TRPC1: variants seen among roughly 807,000 people sequenced by gnomAD.
TRPC1 encodes short transient receptor potential channel 1.
A neutral mutation model predicts 88.2 loss-of-function variants in TRPC1; 42 were observed. That is an observed-to-expected ratio of 0.48 (90% CI 0.37 to 0.62). The LOEUF is 0.62. Ranked by LOEUF, TRPC1 falls within the 20% of genes least tolerant of loss-of-function variation. The probability of loss-of-function intolerance (pLI) is 0.00; values close to 1 mark genes in which losing one functional copy is unlikely to be tolerated. For synonymous variants in TRPC1, 288 were observed against 331.8 expected, an observed-to-expected ratio of 0.87 and a Z score of 1.43; for missense variants, 699 against 957.3, an observed-to-expected ratio of 0.73 and a Z score of 3.56.
chr3:142,753,401 A>G (rs1443018966), intron 4 of TRPC1, among the ~76,000 whole-genome samples: 1 of 152,214 alleles, frequency 6.6e-6, no homozygotes, highest in Non-Finnish European at 1.5e-5. Flanking sequence ...ACGAAATGGC[A>G]AGGACCCCTG....
chr3:142,790,974 T>C (rs1381528233), intron 7 of TRPC1, 45 bp from the exon 8 acceptor site: 2 of 1,449,766 alleles, frequency 1.4e-6, no homozygotes, highest in South Asian at 1.6e-5. Context: ...AGTTTATTTA[T>C]TGAATTAAGA....
In TRPC1 at chr3:142,802,267, T is replaced by A. The variant is rs1328830111; in HGVS notation, c.1680T>A (p.Asp560Glu). ...SFTIGLTQLY[D>E]KGYTSKEQKD... ...CAATTGGACTGACACAACTGTATGATAAAGGATATACTTCAAAGGAGCAGA... is the reference window on the plus strand; with the variant it reads ...CAATTGGACTGACACAACTGTATGAAAAAGGATATACTTCAAAGGAGCAGA... Residue 560 changes from aspartate to glutamate, a missense_variant, in exon 10 of 13, where the codon GAT (aspartate) becomes GAA (glutamate). Coordinates refer to ENST00000476941, the MANE Select transcript of TRPC1 (RefSeq NM_001251845.2). 10 of 1,600,598 alleles carry A rather than the reference T, an allele frequency of 6.2e-6. No homozygotes were observed. Among genetic ancestry groups the A allele is most frequent in the Non-Finnish European group, 7.7e-6 (9 of 1,174,526 alleles).
At chr3:142,798,763 C>CT (rs1187648078) in intron 9 of TRPC1, among the ~76,000 whole-genome samples, 1 of 152,120 alleles carries the variant, frequency 6.6e-6, no homozygotes, top group East Asian at 1.9e-4. Flanking sequence ...TTAGATAGAA[C>CT]TTTTGGACAG....
rs1262264610 is a variant in TRPC1 at position 142,724,627 on chromosome 3, C to T, written c.68C>T (p.Pro23Leu). The change falls in exon 1 of 13, where the codon CCA (proline) becomes CTA (leucine). Residue 23 changes from proline (P) to leucine (L), a missense_variant. Around this residue, in one of 4 missense-constraint regions of TRPC1, gnomAD observed 157 missense variants for 127.0 expected, o/e 1.24. Transcript: ENST00000476941. The surrounding 1 kb of genome is among the most constrained non-coding windows in gnomAD (Gnocchi z 5.6). ...GASSSSLPSS[P>L]SSSSPNEVMA... ...TCCTCCTCCTCCCTGCCTTCCTCTC[C>T]ATCCTCTTCCTCGCCGAACGAGGTG... 3.7e-6 allele frequency: 6 copies of T among 1,612,452 alleles called. No individual in the cohort carries two copies. The highest frequency in any genetic ancestry group is 5.1e-6 in the Non-Finnish European group (6 of 1,179,446).
chr3:142,779,994 C>T (rs1294410466), intron 5 of TRPC1, among the ~76,000 whole-genome samples: 3 of 151,552 alleles, frequency 2.0e-5, no homozygotes, highest in Non-Finnish European at 4.4e-5. Context: ...ATTACAGGCA[C>T]CTGCCACCAT....
At chr3:142,750,631 C>T (rs778921029) in intron 4 of TRPC1, among the ~76,000 whole-genome samples, 4 of 152,160 alleles carry the variant, frequency 2.6e-5, no homozygotes, top group South Asian at 2.1e-4. Context: ...TTTATTGCAG[C>T]GCTATTCACA....
chr3:142,761,186 T>G (rs1183984536), intron 4 of TRPC1, among the ~76,000 whole-genome samples: 1 of 152,164 alleles, frequency 6.6e-6, no homozygotes, highest in Non-Finnish European at 1.5e-5. Context: ...GGAAAGGCCT[T>G]CAATTTTTCC....
intron 4 of TRPC1, among the ~76,000 whole-genome samples, chr3:142,777,217 C>T (rs1481397863): frequency 6.6e-6 from 1 of 152,044 alleles, no homozygotes; most frequent in Non-Finnish European, 1.5e-5. Context: ...GGGAGGATCC[C>T]TTGGCCCAGG....
At chr3:142,728,946 GA>G (rs1276937427) in intron 1 of TRPC1, among the ~76,000 whole-genome samples, 2 of 152,212 alleles carry the variant, frequency 1.3e-5, no homozygotes, top group Non-Finnish European at 2.9e-5. Context: ...GTGCTGTGAG[GA>G]AAAAACTTTG....
intron 7 of TRPC1, among the ~76,000 whole-genome samples, chr3:142,788,231 G>A (rs942925095): frequency 6.6e-6 from 1 of 152,148 alleles, no homozygotes; most frequent in Non-Finnish European, 1.5e-5. Context: ...TGCTGTGGCA[G>A]GAGTAGATGG....
chr3:142,793,359 A>G (rs757834415), intron 9 of TRPC1, among the ~76,000 whole-genome samples: 2 of 152,102 alleles, frequency 1.3e-5, no homozygotes, highest in Non-Finnish European at 1.5e-5. Context: ...AAAAATAATC[A>G]TATTTGATGA....
At chr3:142,777,009 T>C (rs1935798314) in intron 4 of TRPC1, among the ~76,000 whole-genome samples, 1 of 151,784 alleles carries the variant, frequency 6.6e-6, no homozygotes, top group Admixed American at 6.6e-5. Flanking sequence ...GCATATTTTA[T>C]TTAAAATTAT....
chr3:142,792,802 G>T lies in TRPC1; in HGVS notation c.1438-22G>T. ...AAATTGAGAGAGCTTATTTACCTTT[G>T]GCTTTTTCTTCCTAACCTTAGTTTC... On this transcript the variant is annotated intron_variant, in intron 8 of 12. Coordinates refer to ENST00000476941, the MANE Select transcript of TRPC1 (RefSeq NM_001251845.2). The surrounding 1 kb of genome is among the most constrained non-coding windows in gnomAD (Gnocchi z 4.0). The T allele has an allele frequency of 6.5e-7, 1 of 1,534,286 alleles. No individual in the cohort carries two copies. The highest frequency in any genetic ancestry group is 1.3e-5 in the South Asian group (1 of 77,268).
chr3:142,765,166 T>A (rs374169048), intron 4 of TRPC1, among the ~76,000 whole-genome samples: 2 of 151,740 alleles, frequency 1.3e-5, no homozygotes, highest in East Asian at 1.9e-4. Context: ...CTGAAGAAAA[T>A]CAGAGACAAT....
In TRPC1 at chr3:142,724,312, G is replaced by A. The variant is rs1933563051; in HGVS notation, c.-248G>A. Reference sequence around the variant, plus strand: ...GGACCGGCTCGGCCGGGGCGCCGGCGGCTGGGGAGGGGTCGCTGGCCCCGG... The same window carrying A: ...GGACCGGCTCGGCCGGGGCGCCGGCAGCTGGGGAGGGGTCGCTGGCCCCGG... On this transcript the variant is annotated 5_prime_UTR_variant, in exon 1 of 13. Transcript: ENST00000476941. This position sits in a 1 kb window ranked among gnomAD's most constrained non-coding sequence, Gnocchi z 5.6. 3.7e-6 allele frequency: 1 copy of A among 267,138 alleles called. No individual in the cohort carries two copies. Among genetic ancestry groups the A allele is most frequent in the Non-Finnish European group, 7.0e-6 (1 of 142,826 alleles). The allele number at this position is 267,138 out of a possible 1,614,324, so 16.5% of individuals were successfully genotyped here.
chr3:142,760,810 T>C (rs901505856), intron 4 of TRPC1, among the ~76,000 whole-genome samples: 2 of 152,100 alleles, frequency 1.3e-5, no homozygotes, highest in African/African-American at 4.8e-5. Flanking sequence ...TTGGTTAGAT[T>C]GATTCCTAGT....
chr3:142,733,116 G>A (rs918320339), intron 1 of TRPC1, among the ~76,000 whole-genome samples: 1 of 144,248 alleles, frequency 6.9e-6, no homozygotes, highest in African/African-American at 2.6e-5. Flanking sequence ...GTAGCAGGGT[G>A]GAACCTTTTA....
intron 12 of TRPC1, among the ~76,000 whole-genome samples, chr3:142,805,756 A>G (rs930142986): frequency 6.6e-6 from 1 of 152,194 alleles, no homozygotes; most frequent in Admixed American, 6.5e-5. Flanking sequence ...TAGTTTGCCA[A>G]TCCCTGCTAT....
chr3:142,784,945 T>A lies in TRPC1; in HGVS notation c.1202T>A (p.Leu401His). The A allele has an allele frequency of 6.2e-7, 1 of 1,614,024 alleles. No individual in the cohort carries two copies. Among genetic ancestry groups the A allele is most frequent in the Non-Finnish European group, 8.5e-7 (1 of 1,179,986 alleles). Residue 401 changes from leucine (L) to histidine (H), a missense_variant, in exon 7 of 13, where the codon CTT becomes CAT. Physicochemically the swap from Leu to His is moderately conservative, Grantham distance 99. Around this residue, in one of 4 missense-constraint regions of TRPC1, gnomAD observed 426 missense variants for 641.3 expected, o/e 0.66. Transcript: ENST00000476941. ...GASYFTFLLL[L>H]NLYSLVYNED... is the part of the protein sequence containing the mutation. ...TCATATTTCACATTTCTGCTGTTGC[T>A]TAATCTATACTCTCTTGTCTACAAT...
Sources: allele counts gnomAD v4.1 joint callset (sites outside exome capture counted in the v4.1 genomes callset), GRCh38; gene constraint gnomAD v4.1.1; regional missense constraint gnomAD v4.1.1; non-coding constraint Gnocchi (gnomAD v3.1); transcripts MANE v1.5; gene names NCBI Gene and HGNC (gene_info 2026-07-23, HGNC 2026-07-21).